Variants in SH3GL1 observed in about 807,000 individuals in gnomAD.
SH3GL1 encodes SH3 domain containing GRB2 like 1, endophilin A2, also known as endophilin-A2.
In SH3GL1, 21 loss-of-function variants were observed where a neutral mutation model predicts 48.8. The observed-to-expected ratio is 0.43, with a 90% CI of 0.30 to 0.62. The LOEUF is 0.62. Among genes scored for constraint, SH3GL1 ranks in the 20% least tolerant of loss-of-function variants. SH3GL1 has a pLI of 0.11. For synonymous variants in SH3GL1, 282 were observed against 217.5 expected, an observed-to-expected ratio of 1.30 and a Z score of -2.61; for missense variants, 454 against 503.0, an observed-to-expected ratio of 0.90 and a Z score of 0.93.
intron 1 of SH3GL1, among the ~76,000 whole-genome samples, chr19:4,390,937 C>A (rs1973326779): frequency 6.6e-6 from 1 of 152,196 alleles, no homozygotes; most frequent in Non-Finnish European, 1.5e-5. Flanking sequence ...TTAAACACGA[C>A]GTTTCCCCAG....
At chr19:4,364,912 A>AT (rs1320554032) in intron 4 of SH3GL1, among the ~76,000 whole-genome samples, 3 of 99,926 alleles carry the variant, frequency 3.0e-5, no homozygotes, top group South Asian at 3.2e-4. Context: ...ATATATATAT[A>AT]TATATTTTTT....
At chr19:4,381,136 T>C (rs1599609619) in intron 1 of SH3GL1, among the ~76,000 whole-genome samples, 1 of 92,946 alleles carries the variant, frequency 1.1e-5, no homozygotes. Flanking sequence ...TCTATCCCCC[T>C]GCCTCTCTGT....
chr19:4,368,203 C>T (rs895032530), intron 1 of SH3GL1, among the ~76,000 whole-genome samples: 12 of 152,192 alleles, frequency 7.9e-5, no homozygotes, highest in Admixed American at 5.9e-4. Flanking sequence ...TTGCCTGCCC[C>T]GAGCTGTCAC....
In SH3GL1 at chr19:4,376,780, C is replaced by T. The variant is rs1973017326; in HGVS notation, c.46-9786G>A. Among the ~76,000 whole-genome samples, 1 of 152,214 alleles carries T rather than the reference C, an allele frequency of 6.6e-6. No individual in the cohort carries two copies. Among genetic ancestry groups the T allele is most frequent in the Non-Finnish European group, 1.5e-5 (1 of 68,030 alleles). On this transcript the variant is annotated intron_variant, in intron 1 of 9. Transcript: ENST00000269886. This position sits in a 1 kb window ranked among gnomAD's most constrained non-coding sequence, Gnocchi z 4.3. Reference sequence around the variant, plus strand: ...GCTGCAAGGCTGCCCCACCCTCCTGCTATCCTCACGGGGCCTCGCATTCCT... The same window carrying T: ...GCTGCAAGGCTGCCCCACCCTCCTGTTATCCTCACGGGGCCTCGCATTCCT...
At chr19:4,391,838 C>G (rs1185215277) in intron 1 of SH3GL1, among the ~76,000 whole-genome samples, 2 of 152,248 alleles carry the variant, frequency 1.3e-5, no homozygotes, top group African/African-American at 4.8e-5. Flanking sequence ...AGAGTGAGCC[C>G]TGCCTGTCCT....
chr19:4,362,693 T>C lies in SH3GL1; in HGVS notation c.772A>G (p.Lys258Glu), dbSNP rs547151618. ...SSRPKREYKP[K>E]PREPFDLGEP... ...CCAAGGTCAAAGGGCTCCCGGGGCT[T>C]GGGCTTATACTCCCGCTTAGGGCGT... Residue 258 changes from lysine (K) to glutamate (E), a missense_variant, in exon 8 of 10, where the codon AAG (lysine) becomes GAG (glutamate). Physicochemically the swap from Lys to Glu is moderately conservative, Grantham distance 56. Transcript: ENST00000269886. The C allele has an allele frequency of 6.2e-7, 1 of 1,614,014 alleles. No homozygotes were observed. The highest frequency in any genetic ancestry group is 1.3e-5 in the African/African-American group (1 of 75,076).
At chr19:4,372,096 G>C (rs1187575910) in intron 1 of SH3GL1, among the ~76,000 whole-genome samples, 1 of 152,238 alleles carries the variant, frequency 6.6e-6, no homozygotes, top group Non-Finnish European at 1.5e-5. Context: ...GCATGACACA[G>C]TGTGCCTGGC....
At chr19:4,371,064 G>A (rs1420314960) in intron 1 of SH3GL1, among the ~76,000 whole-genome samples, 1 of 152,246 alleles carries the variant, frequency 6.6e-6, no homozygotes, top group Non-Finnish European at 1.5e-5. Context: ...CCTGGGAAAC[G>A]AGCAAGCTGG....
intron 1 of SH3GL1, among the ~76,000 whole-genome samples, chr19:4,371,033 C>T (rs193300457): frequency 9.8e-5 from 15 of 152,386 alleles, no homozygotes; most frequent in Non-Finnish European, 1.2e-4. Context: ...ACCCTGTACT[C>T]TGTCACCTGT....
chr19:4,374,035 A>G (rs2144884516), intron 1 of SH3GL1, among the ~76,000 whole-genome samples: 1 of 152,374 alleles, frequency 6.6e-6, no homozygotes, highest in East Asian at 1.9e-4. Context: ...TCAGATTGGC[A>G]GAGAGCGATA....
intron 2 of SH3GL1, 50 bp downstream of exon 2, chr19:4,366,876 C>T: frequency 6.4e-7 from 1 of 1,572,518 alleles, no homozygotes; most frequent in East Asian, 2.2e-5. Context: ...CGGCAGAGGT[C>T]AGGCCCCAGC....
At position 4,367,085 on chromosome 19, in the gene SH3GL1, A is replaced by C. The variant is rs1016902620; in HGVS notation, c.46-91T>G. The C allele has an allele frequency of 8.5e-7, 1 of 1,183,288 alleles. No individual in the cohort carries two copies. Among genetic ancestry groups the C allele is most frequent in the Non-Finnish European group, 1.3e-6 (1 of 789,290 alleles). 73.3% of individuals were successfully genotyped at this position (1,183,288 alleles called of 1,614,324 possible). A position where few individuals can be genotyped will look rare whatever the true frequency, so the allele number is the denominator to read the frequency against. On this transcript the variant is annotated intron_variant, in intron 1 of 9. Coordinates refer to ENST00000269886, the MANE Select transcript of SH3GL1 (RefSeq NM_003025.4). The surrounding 1 kb of genome is among the most constrained non-coding windows in gnomAD (Gnocchi z 4.2). ...CTGAGCCGCCTTCCAGCCACATCGC[A>C]TCCACAGCTGGAGGCAGGAGGCCAA...
chr19:4,379,417 T>A (rs1277238692), intron 1 of SH3GL1, among the ~76,000 whole-genome samples: 23 of 145,028 alleles, frequency 1.6e-4, no homozygotes, highest in Admixed American at 1.2e-3. Flanking sequence ...CAGCGCAAGA[T>A]GCTGTCTCAA....
At chr19:4,361,889 GTGGGCA>G in intron 9 of SH3GL1, 93 bp from the exon 10 acceptor site, 1 of 920,530 alleles carries the variant, frequency 1.1e-6, no homozygotes, top group South Asian at 1.5e-5. Flanking sequence ...GAGCGTGTGG[GTGGGCA>G]TGGGCCTCCC....
chr19:4,369,222 C>T (rs145155089), intron 1 of SH3GL1, among the ~76,000 whole-genome samples: 3,278 of 151,484 alleles, frequency 0.022, 52 homozygotes, highest in Non-Finnish European at 0.032. Context: ...GAGGAAGGAG[C>T]CCCCCCTCCC....
At chr19:4,398,985 T>C (rs1396844901) in intron 1 of SH3GL1, among the ~76,000 whole-genome samples, 1 of 152,096 alleles carries the variant, frequency 6.6e-6, no homozygotes, top group African/African-American at 2.4e-5. Flanking sequence ...TTAAATAAAT[T>C]ATGGTATATG....
intron 6 of SH3GL1, 21 bp downstream of exon 6, chr19:4,363,699 G>A (rs755598510): frequency 6.2e-7 from 1 of 1,612,280 alleles, no homozygotes; most frequent in East Asian, 2.2e-5. Context: ...TTCTCAGGAT[G>A]TGACACCCCG....
chr19:4,385,569 C>A (rs1568419048), intron 1 of SH3GL1, among the ~76,000 whole-genome samples: 1 of 152,152 alleles, frequency 6.6e-6, no homozygotes, highest in Non-Finnish European at 1.5e-5. Context: ...TCCTTCCGGG[C>A]CCCAAAGACC....
Position 4,361,426 on chromosome 19 carries a change from G to GC in SH3GL1, c.*173dup, listed in dbSNP as rs1443283548. On this transcript the variant is annotated 3_prime_UTR_variant, in exon 10 of 10. Coordinates refer to ENST00000269886, the MANE Select transcript of SH3GL1 (RefSeq NM_003025.4). ...CAGGCATCCCCACCCACCCAGATAAGCCCCCCCACCCAAGTGTGGGGTCCT... is the reference window on the plus strand; with the variant it reads ...CAGGCATCCCCACCCACCCAGATAAGCCCCCCCCACCCAAGTGTGGGGTCCT... The GC allele has an allele frequency of 2.8e-5, 17 of 596,672 alleles. No homozygotes were observed. Among genetic ancestry groups the GC allele is most frequent in the Admixed American group, 8.9e-5 (3 of 33,596 alleles). 37.0% of individuals were successfully genotyped at this position (596,672 alleles called of 1,614,324 possible). A position where few individuals can be genotyped will look rare whatever the true frequency, so the allele number is the denominator to read the frequency against.
Sources: allele counts gnomAD v4.1 joint callset (sites outside exome capture counted in the v4.1 genomes callset), GRCh38; gene constraint gnomAD v4.1.1; non-coding constraint Gnocchi (gnomAD v3.1); transcripts MANE v1.5; gene names NCBI Gene and HGNC (gene_info 2026-07-23, HGNC 2026-07-21).